The following PTPN21 variants were observed in gnomAD, a reference collection of about 807,000 sequenced individuals.
PTPN21 encodes the protein protein tyrosine phosphatase non-receptor type 21, also known as tyrosine-protein phosphatase non-receptor type 21.
PTPN21 carries 77 observed loss-of-function variants against 131.8 expected under a neutral mutation model. That is an observed-to-expected ratio of 0.58 (90% CI 0.49 to 0.71). The LOEUF (loss-of-function observed/expected upper bound fraction) is 0.71. PTPN21 is among the 30% of genes least tolerant of loss of function. PTPN21 has a pLI of 0.00. For synonymous variants in PTPN21, 715 were observed against 621.3 expected (o/e 1.15, Z -2.24); for missense variants, 1,552 against 1,527.1 (o/e 1.02, Z -0.27).
At chr14:88,551,411 G>A (rs888812446) in intron 1 of PTPN21, 16 of 152,192 alleles carry the variant, frequency 1.1e-4, no homozygotes, top group Non-Finnish European at 1.5e-5. Context: ...AAGCCCACGG[G>A]GCCTTGGAGC....
intron 10 of PTPN21, among the ~76,000 whole-genome samples, chr14:88,491,962 A>C (rs967660035): frequency 6.6e-6 from 1 of 152,068 alleles, no homozygotes; most frequent in African/African-American, 2.4e-5. Flanking sequence ...AGACTCATTC[A>C]CCATAATCAA....
chr14:88,531,724 G>A (rs1056083580), intron 2 of PTPN21, among the ~76,000 whole-genome samples: 1 of 151,840 alleles, frequency 6.6e-6, no homozygotes, highest in Non-Finnish European at 1.5e-5. Flanking sequence ...AGAGAAACAA[G>A]AACCAACCAA....
intron 2 of PTPN21, among the ~76,000 whole-genome samples, chr14:88,535,322 G>T (rs777499585): frequency 7.2e-5 from 11 of 152,104 alleles, no homozygotes; most frequent in Non-Finnish European, 1.3e-4. Context: ...ACATTTCCCT[G>T]TCCTTAAGTG....
intron 13 of PTPN21, among the ~76,000 whole-genome samples, chr14:88,477,862 C>T (rs1049474524): frequency 7.2e-5 from 11 of 152,110 alleles, no homozygotes; most frequent in South Asian, 4.2e-4. Context: ...GATGCTTAGT[C>T]CCAGGTTAAG....
chr14:88,507,763 T>G (rs1029459745), intron 4 of PTPN21, among the ~76,000 whole-genome samples, 160 bp downstream of exon 4: 4 of 148,980 alleles, frequency 2.7e-5, no homozygotes, highest in African/African-American at 7.6e-5. Context: ...CCAAGTTCAT[T>G]TTTTCCCAAA....
intron 13 of PTPN21, among the ~76,000 whole-genome samples, chr14:88,477,810 A>G (rs755749169): frequency 1.3e-5 from 2 of 152,196 alleles, no homozygotes; most frequent in Non-Finnish European, 2.9e-5. Flanking sequence ...TGAGCACTGC[A>G]ACAAAATCAC....
At chr14:88,470,161 A>C in intron 15 of PTPN21, 111 bp from the exon 16 acceptor site, 1 of 966,208 alleles carries the variant, frequency 1.0e-6, no homozygotes, top group Non-Finnish European at 1.5e-6. Context: ...GTAAAAAGTA[A>C]AAAAGTAGTA....
At chr14:88,517,380 T>C (rs1240191033) in intron 2 of PTPN21, 119 bp from the exon 3 acceptor site, 5 of 1,121,382 alleles carry the variant, frequency 4.5e-6, no homozygotes, top group Admixed American at 2.4e-5. Flanking sequence ...GCCTTTCTTC[T>C]CAGAGAAGAA....
At chr14:88,484,047 GTT>G (rs57042782) in intron 12 of PTPN21, among the ~76,000 whole-genome samples, 1 of 143,664 alleles carries the variant, frequency 7.0e-6, no homozygotes. Context: ...ATTCTAAGGT[GTT>G]TTTTTTTTTT....
At chr14:88,498,134 G>T (rs1056042654) in intron 8 of PTPN21, among the ~76,000 whole-genome samples, 2 of 151,746 alleles carry the variant, frequency 1.3e-5, no homozygotes, top group Admixed American at 6.6e-5. Flanking sequence ...AACTAGGCCA[G>T]GCGAGGTGGC....
intron 13 of PTPN21, among the ~76,000 whole-genome samples, chr14:88,476,255 A>T (rs147990989): frequency 6.6e-6 from 1 of 152,220 alleles, no homozygotes; most frequent in Non-Finnish European, 1.5e-5. Context: ...GTCAGAGGGT[A>T]CAATAGGGAA....
At chr14:88,504,687 A>G (rs888921990) in intron 5 of PTPN21, among the ~76,000 whole-genome samples, 192 bp from the exon 6 acceptor site, 4 of 152,166 alleles carry the variant, frequency 2.6e-5, no homozygotes, top group African/African-American at 9.7e-5. Context: ...GAGCCAAAAA[A>G]AAAAAACTTG....
At chr14:88,551,433 G>C (rs1016055606) in intron 1 of PTPN21, 1 of 152,218 alleles carries the variant, frequency 6.6e-6, no homozygotes. Context: ...CTCAGGCCCC[G>C]GCTTCTCCCG....
At chr14:88,516,264 T>C (rs2078267866) in intron 3 of PTPN21, among the ~76,000 whole-genome samples, 1 of 152,250 alleles carries the variant, frequency 6.6e-6, no homozygotes, top group African/African-American at 2.4e-5. Context: ...AGGTACCTTC[T>C]GAACCACAAC....
chr14:88,478,814 G>A (rs2077584448), intron 13 of PTPN21, 106 bp downstream of exon 13: 1 of 667,528 alleles, frequency 1.5e-6, no homozygotes, highest in Non-Finnish European at 2.3e-6. Context: ...AATGAAGAAC[G>A]TTAAAAGAAC....
intron 2 of PTPN21, among the ~76,000 whole-genome samples, chr14:88,546,575 C>CAAA (rs34657413): frequency 1.0e-5 from 1 of 100,236 alleles, no homozygotes; most frequent in Non-Finnish European, 2.0e-5. Flanking sequence ...AACTCCATCT[C>CAAA]AAAAAAAAAA....
chr14:88,512,728 T>A (rs903673219), intron 3 of PTPN21: 3 of 152,164 alleles, frequency 2.0e-5, no homozygotes, highest in Admixed American at 6.5e-5. Flanking sequence ...TGCAAGAAAA[T>A]TTTTAATTGT....
Position 88,554,690 on chromosome 14 carries a change from C to A in PTPN21, c.-242G>T. 1 of 148,276 alleles carries A rather than the reference C, an allele frequency of 6.7e-6. No individual in the cohort carries two copies. The highest frequency in any genetic ancestry group is 2.0e-4 in the South Asian group (1 of 5,074). The allele number at this position is 148,276 out of a possible 1,614,324, so 9.2% of individuals were successfully genotyped here. A position where few individuals can be genotyped will look rare whatever the true frequency, so the allele number is the denominator to read the frequency against. On this transcript the variant is annotated 5_prime_UTR_variant, in exon 1 of 19. Coordinates refer to ENST00000556564, the MANE Select transcript of PTPN21 (RefSeq NM_007039.4). ...GCTCCCGCATCCTCGGGGCCGCGCGCCCCGCTCAGCGACCCGCCTCCCGGG... is the reference window on the plus strand; with the variant it reads ...GCTCCCGCATCCTCGGGGCCGCGCGACCCGCTCAGCGACCCGCCTCCCGGG...
At chr14:88,481,958 CAGAG>C (rs2077658346) in intron 12 of PTPN21, among the ~76,000 whole-genome samples, 3 of 152,204 alleles carry the variant, frequency 2.0e-5, no homozygotes, top group Non-Finnish European at 4.4e-5. Flanking sequence ...AACAACATTC[CAGAG>C]AGAAGAGCCT....
Sources: allele counts gnomAD v4.1 joint callset (sites outside exome capture counted in the v4.1 genomes callset), GRCh38; gene constraint gnomAD v4.1.1; transcripts MANE v1.5; gene names NCBI Gene and HGNC (gene_info 2026-07-23, HGNC 2026-07-21).